Variants in ARHGEF26 observed in about 807,000 individuals in gnomAD.
ARHGEF26 encodes the protein Rho guanine nucleotide exchange factor 26.
In ARHGEF26, 59 loss-of-function variants were observed where a neutral mutation model predicts 89.4. The observed-to-expected ratio is 0.66, with a 90% CI of 0.54 to 0.82. ARHGEF26 has a LOEUF of 0.82. Ranked by LOEUF, ARHGEF26 falls within the 40% of genes least tolerant of loss-of-function variation. ARHGEF26 has a pLI of 0.00. For missense variants in ARHGEF26, 1,234 were observed against 1,085.6 expected, an observed-to-expected ratio of 1.14 and a Z score of -1.92; for synonymous variants, 500 against 428.4, an observed-to-expected ratio of 1.17 and a Z score of -2.06.
intron 9 of ARHGEF26, among the ~76,000 whole-genome samples, chr3:154,215,841 ATAT>A (rs1415055041): frequency 6.6e-6 from 1 of 152,146 alleles, no homozygotes; most frequent in Non-Finnish European, 1.5e-5. Flanking sequence ...TTGCCTCGTA[ATAT>A]TATCACACTG....
In ARHGEF26 at chr3:154,254,755, G is replaced by A; in HGVS notation, c.2404G>A (p.Ala802Thr). The A allele has an allele frequency of 6.2e-7, 1 of 1,613,844 alleles. No homozygotes were observed. The stretch of plus-strand genomic sequence containing the variant: ...GGTGGAAATCGTTAGGTCATTTACT[G>A]CTAAGCAGCCAGATGAACTCTCCCT... ...TQVEIVRSFT[A>T]KQPDELSLQV... The change falls in exon 14 of 15, where the codon GCT (alanine) becomes ACT (threonine). Residue 802 changes from alanine to threonine, a missense_variant. Transcript: ENST00000465093.
At chr3:154,140,110 A>C (rs1372644615) in intron 4 of ARHGEF26, among the ~76,000 whole-genome samples, 1 of 26,036 alleles carries the variant, frequency 3.8e-5, no homozygotes, top group Non-Finnish European at 6.0e-5. Context: ...CATGGGTCCA[A>C]AGTTCTGAAT....
At chr3:154,143,319 CT>C (rs1719499945) in intron 4 of ARHGEF26, among the ~76,000 whole-genome samples, 1 of 152,224 alleles carries the variant, frequency 6.6e-6, no homozygotes, top group East Asian at 1.9e-4. Context: ...AGTTTTGTCA[CT>C]TTTTTCCCTT....
intron 7 of ARHGEF26, among the ~76,000 whole-genome samples, chr3:154,189,815 A>C (rs1445403984): frequency 1.3e-5 from 2 of 150,620 alleles, no homozygotes; most frequent in African/African-American, 4.9e-5. Context: ...TAAATATACA[A>C]CTAATTTAGA....
chr3:154,143,816 T>G (rs999688314), intron 4 of ARHGEF26, among the ~76,000 whole-genome samples: 1 of 152,222 alleles, frequency 6.6e-6, no homozygotes, highest in African/African-American at 2.4e-5. Context: ...CCTTTCATCC[T>G]TGTTACTTCT....
At position 154,122,842 on chromosome 3, in the gene ARHGEF26, GGCCTAGGAGGAC is replaced by G; in HGVS notation, c.851_862del (p.Gly284_Pro288delinsAla). The G allele has an allele frequency of 6.2e-7, 1 of 1,612,858 alleles. No individual in the cohort carries two copies. Among genetic ancestry groups the G allele is most frequent in the Non-Finnish European group, 8.5e-7 (1 of 1,179,426 alleles). On this transcript the variant is annotated inframe_deletion, in exon 2 of 15. Coordinates refer to ENST00000465093, the MANE Select transcript of ARHGEF26 (RefSeq NM_015595.4). ...CCTCAAGGTGCGCAGCATGGTGGAG[GGCCTAGGAGGAC>G]CCCTGGGTCACGCAGGGGAGGAGAG...
chr3:154,184,883 C>G (rs186731920), intron 6 of ARHGEF26, among the ~76,000 whole-genome samples: 2 of 152,332 alleles, frequency 1.3e-5, no homozygotes, highest in Admixed American at 1.3e-4. Flanking sequence ...AAGCTCAGCC[C>G]TGCTCTGCAG....
intron 6 of ARHGEF26, among the ~76,000 whole-genome samples, chr3:154,160,424 G>C (rs537677300): frequency 4.9e-4 from 74 of 152,276 alleles, no homozygotes; most frequent in African/African-American, 1.7e-3. Context: ...CAGGAGGCCA[G>C]TTAAAGATGA....
At chr3:154,134,179 CCTTT>C (rs1205844885) in intron 4 of ARHGEF26, among the ~76,000 whole-genome samples, 1 of 152,028 alleles carries the variant, frequency 6.6e-6, no homozygotes, top group Non-Finnish European at 1.5e-5. Flanking sequence ...ATTTGAATAC[CCTTT>C]CTTTCTTTCT....
chr3:154,191,614 T>C (rs1464568919), intron 8 of ARHGEF26, among the ~76,000 whole-genome samples, 196 bp downstream of exon 8: 1 of 152,228 alleles, frequency 6.6e-6, no homozygotes. Flanking sequence ...TCATTTAGGC[T>C]TCTATGGTCA....
intron 6 of ARHGEF26, among the ~76,000 whole-genome samples, chr3:154,155,823 A>G (rs1332355601): frequency 6.6e-6 from 1 of 151,970 alleles, no homozygotes; most frequent in Admixed American, 6.6e-5. Context: ...AACTGAAGGA[A>G]AATTCTAAAA....
At position 154,237,628 on chromosome 3, in the gene ARHGEF26, G is replaced by C. The variant is rs944783336; in HGVS notation, c.2091-2742G>C. The stretch of plus-strand genomic sequence containing the variant: ...TCATTTTCTGTGAACCCTTGGTTTT[G>C]AATTCTATTGGGATGACTTGATAGG... On this transcript the variant is annotated intron_variant, in intron 11 of 14. Transcript: ENST00000465093. Among the ~76,000 whole-genome samples the C allele has an allele frequency of 2.4e-4, 36 of 151,898 alleles. 1 individual carries two copies. Among genetic ancestry groups the C allele is most frequent in the Admixed American group, 8.5e-4 (13 of 15,252 alleles).
rs919479815 is a variant in ARHGEF26 at position 154,139,556 on chromosome 3, C to T, written c.1270-9833C>T. Among the ~76,000 whole-genome samples the T allele has an allele frequency of 2.9e-4, 44 of 152,116 alleles. 1 individual carries two copies. The highest frequency in any genetic ancestry group is 2.9e-3 in the Admixed American group (44 of 15,272). Reference sequence around the variant, plus strand: ...TACTGACTTTGGATTGCAGATTCATCTATGGGATTCTTGTATTTGCCCTGT... The same window carrying T: ...TACTGACTTTGGATTGCAGATTCATTTATGGGATTCTTGTATTTGCCCTGT... On this transcript the variant is annotated intron_variant, in intron 4 of 14. Coordinates refer to ENST00000465093, the MANE Select transcript of ARHGEF26 (RefSeq NM_015595.4).
At chr3:154,198,816 C>G (rs1714443364) in intron 9 of ARHGEF26, among the ~76,000 whole-genome samples, 1 of 152,066 alleles carries the variant, frequency 6.6e-6, no homozygotes, top group South Asian at 2.1e-4. Context: ...TCTCCTAAAT[C>G]ACCACTAAAG....
intron 11 of ARHGEF26, among the ~76,000 whole-genome samples, chr3:154,233,812 T>C (rs1266375257): frequency 6.6e-6 from 1 of 152,252 alleles, no homozygotes; most frequent in Non-Finnish European, 1.5e-5. Flanking sequence ...TTCACTGGCC[T>C]GTAAGCACAA....
chr3:154,240,373 A>G lies in ARHGEF26; in HGVS notation c.2094A>G (p.Glu698=). 1 of 1,600,616 alleles carries G rather than the reference A, an allele frequency of 6.2e-7. No homozygotes were observed. The highest frequency in any genetic ancestry group is 8.5e-7 in the Non-Finnish European group (1 of 1,170,922). The change falls in exon 12 of 15, where the codon GAA becomes GAG. Residue 698 remains glutamate, a synonymous_variant. Transcript: ENST00000465093. ...TTCTTTTCCCTTTCCTTTACAGTGA[A>G]GAAAGTTACAACGTCAATGATTATT... The part of the protein sequence containing the change: ...DVLIITKKKS[E]ESYNVNDYSL...
At chr3:154,207,220 A>G (rs935141970) in intron 9 of ARHGEF26, among the ~76,000 whole-genome samples, 1 of 152,196 alleles carries the variant, frequency 6.6e-6, no homozygotes, top group Non-Finnish European at 1.5e-5. Context: ...TGAAGATGCC[A>G]AAAACAGTCG....
chr3:154,204,379 G>C (rs189033204), intron 9 of ARHGEF26, among the ~76,000 whole-genome samples: 1 of 128,624 alleles, frequency 7.8e-6, no homozygotes, highest in African/African-American at 3.0e-5. Flanking sequence ...GTATCTCCCA[G>C]GCTGGAGTGC....
chr3:154,199,099 GTTA>G (rs746341859), intron 9 of ARHGEF26, among the ~76,000 whole-genome samples: 15 of 151,696 alleles, frequency 9.9e-5, no homozygotes, highest in Non-Finnish European at 1.9e-4. Context: ...AATGTAGGGG[GTTA>G]TTATTGACTG....
Sources: gnomAD v4.1 joint callset for allele counts (sites outside exome capture counted in the v4.1 genomes callset) on GRCh38, gnomAD v4.1.1 for gene constraint, MANE v1.5 for transcripts, NCBI Gene and HGNC (gene_info 2026-07-23, HGNC 2026-07-21) for gene names.